The following SLC35F1 variants were observed in gnomAD, a reference collection of about 807,000 sequenced individuals.
The protein encoded by SLC35F1 is chromosome 6 open reading frame 169.
A neutral mutation model predicts 48.7 loss-of-function variants in SLC35F1; 14 were observed. The observed-to-expected ratio is 0.29, with a 90% confidence interval of 0.19 to 0.45. The LOEUF (loss-of-function observed/expected upper bound fraction) is 0.45. Ranked by LOEUF, SLC35F1 falls within the 20% of genes least tolerant of loss-of-function variation. SLC35F1 has a pLI of 1.00. For synonymous variants in SLC35F1, 190 were observed against 202.2 expected (o/e 0.94, Z 0.51); for missense variants, 404 against 500.0 (o/e 0.81, Z 1.83).
intron 1 of SLC35F1, among the ~76,000 whole-genome samples, chr6:117,953,238 G>A (rs1582582802): frequency 2.6e-5 from 4 of 152,276 alleles, no homozygotes. Flanking sequence ...ATAGGTGAGA[G>A]CTAAAATCTC....
intron 2 of SLC35F1, among the ~76,000 whole-genome samples, chr6:118,190,900 A>G (rs186456435): frequency 6.4e-4 from 98 of 152,332 alleles, no homozygotes; most frequent in Middle Eastern, 3.4e-3. Context: ...CATGAGTGCC[A>G]GTACCTGCAC....
intron 2 of SLC35F1, among the ~76,000 whole-genome samples, chr6:118,201,726 A>G (rs1280215307): frequency 6.6e-6 from 1 of 152,234 alleles, no homozygotes; most frequent in African/African-American, 2.4e-5. Flanking sequence ...GAACATTTAC[A>G]TCACCCAAAA....
chr6:118,062,064 GA>G (rs35130117), intron 1 of SLC35F1, among the ~76,000 whole-genome samples: 9 of 150,588 alleles, frequency 6.0e-5, no homozygotes, highest in East Asian at 3.9e-4. Flanking sequence ...CTTAGTTTTA[GA>G]AAAAAAAATG....
intron 1 of SLC35F1, among the ~76,000 whole-genome samples, chr6:117,999,825 AC>A (rs1777063644): frequency 6.6e-6 from 1 of 151,952 alleles, no homozygotes; most frequent in Non-Finnish European, 1.5e-5. Flanking sequence ...AAACACCTCT[AC>A]GCAAATAAAC....
chr6:118,110,138 A>G (rs987355686), intron 1 of SLC35F1, among the ~76,000 whole-genome samples: 1 of 152,188 alleles, frequency 6.6e-6, no homozygotes, highest in African/African-American at 2.4e-5. Context: ...CTTTTATAAG[A>G]ACCTCTGGTT....
chr6:118,024,511 C>T (rs918606051), intron 1 of SLC35F1, among the ~76,000 whole-genome samples: 1 of 152,112 alleles, frequency 6.6e-6, no homozygotes, highest in African/African-American at 2.4e-5. Flanking sequence ...AATATAATGT[C>T]CCTTCACTTG....
chr6:117,950,371 C>G (rs1405008460), intron 1 of SLC35F1, among the ~76,000 whole-genome samples: 3 of 152,184 alleles, frequency 2.0e-5, no homozygotes, highest in Admixed American at 6.5e-5. Context: ...TGAACCATGA[C>G]TGGCTGGACT....
intron 1 of SLC35F1, among the ~76,000 whole-genome samples, chr6:118,006,892 T>A (rs1777180908): frequency 6.6e-6 from 1 of 152,152 alleles, no homozygotes; most frequent in African/African-American, 2.4e-5. Flanking sequence ...ACACACATGC[T>A]ACATGTGTGT....
chr6:118,256,010 C>G (rs1321255273), intron 3 of SLC35F1, among the ~76,000 whole-genome samples: 1 of 152,062 alleles, frequency 6.6e-6, no homozygotes, highest in Non-Finnish European at 1.5e-5. Flanking sequence ...TGGTGGCTGT[C>G]TACCAAAAAA....
Position 117,925,377 on chromosome 6 carries a change from A to G in SLC35F1, c.173+17478A>G, listed in dbSNP as rs139745217. Among the ~76,000 whole-genome samples, 76 of 152,284 alleles carry G rather than the reference A, an allele frequency of 5.0e-4. 1 individual carries two copies. The East Asian group carries it at 0.014, about 28-fold the overall frequency. On this transcript the variant is annotated intron_variant, in intron 1 of 7. Transcript: ENST00000360388. ...ACCAGCTGCTAACAGTAGCCACTTT[A>G]TGACCATGAAGGAAACCAGCAGTAG...
chr6:118,284,585 T>G (rs570838140), intron 6 of SLC35F1, among the ~76,000 whole-genome samples: 1 of 152,270 alleles, frequency 6.6e-6, no homozygotes, highest in African/African-American at 2.4e-5. Context: ...CTGTGTGTTT[T>G]GGGTAGAGCA....
chr6:118,090,873 T>A (rs1360336522), intron 1 of SLC35F1, among the ~76,000 whole-genome samples: 1 of 152,126 alleles, frequency 6.6e-6, no homozygotes, highest in Non-Finnish European at 1.5e-5. Flanking sequence ...CTCACCACGA[T>A]GTTATTGAAG....
intron 1 of SLC35F1, among the ~76,000 whole-genome samples, chr6:118,029,503 G>A (rs1463836121): frequency 6.6e-6 from 1 of 152,072 alleles, no homozygotes; most frequent in Non-Finnish European, 1.5e-5. Context: ...ACTTTATCAT[G>A]TTTGTGTCAG....
In SLC35F1 at chr6:117,959,884, A is replaced by G. The variant is rs538642666; in HGVS notation, c.173+51985A>G. Among the ~76,000 whole-genome samples, 102 of 152,322 alleles carry G rather than the reference A, an allele frequency of 6.7e-4. No individual in the cohort carries two copies. In the South Asian group the frequency reaches 0.015, roughly 23 times the overall value. On this transcript the variant is annotated intron_variant, in intron 1 of 7. Coordinates refer to ENST00000360388, the MANE Select transcript of SLC35F1 (RefSeq NM_001029858.4). ...TATTCTCCATAGATATATGAATTAT[A>G]TGTTATTTTCATTTTTAGAGAGAGG...
At chr6:118,036,495 G>A (rs972543579) in intron 1 of SLC35F1, among the ~76,000 whole-genome samples, 2 of 152,144 alleles carry the variant, frequency 1.3e-5, no homozygotes, top group African/African-American at 2.4e-5. Context: ...GTAAGATGTA[G>A]TATTCTATAA....
intron 1 of SLC35F1, among the ~76,000 whole-genome samples, chr6:117,993,406 A>G (rs898595223): frequency 5.3e-5 from 8 of 152,218 alleles, no homozygotes; most frequent in Non-Finnish European, 8.8e-5. Context: ...AGTTTAAGAA[A>G]AAACATAATA....
intron 3 of SLC35F1, among the ~76,000 whole-genome samples, chr6:118,237,264 C>T (rs1289458474): frequency 6.6e-6 from 1 of 151,950 alleles, no homozygotes; most frequent in Non-Finnish European, 1.5e-5. Context: ...TAAGCCATCA[C>T]CTAGGACTCC....
intron 1 of SLC35F1, among the ~76,000 whole-genome samples, chr6:118,018,106 C>A (rs1240311660): frequency 1.3e-5 from 2 of 152,204 alleles, no homozygotes; most frequent in African/African-American, 4.8e-5. Flanking sequence ...GGCACGGTGG[C>A]TCATGCCTGT....
In SLC35F1 at chr6:118,224,077, T is replaced by C. The variant is rs74899964; in HGVS notation, c.350-11432T>C. On this transcript the variant is annotated intron_variant, in intron 2 of 7. Transcript: ENST00000360388. ...CAAAATGGGATTAAGGAAAGGAAAA[T>C]AGTCTTGTCATTAAAAAGGACAAAT... Among the ~76,000 whole-genome samples, 1,276 of 152,260 alleles carry C rather than the reference T, an allele frequency of 8.4e-3. 19 individuals are homozygous for C. The highest frequency in any genetic ancestry group is 0.029 in the African/African-American group (1,212 of 41,558).
Sources: gnomAD v4.1 joint callset for allele counts (sites outside exome capture counted in the v4.1 genomes callset) on GRCh38, gnomAD v4.1.1 for gene constraint, MANE v1.5 for transcripts, NCBI Gene and HGNC (gene_info 2026-07-23, HGNC 2026-07-21) for gene names.